Variants in MED16 observed in about 807,000 individuals in gnomAD.
The protein encoded by MED16 is mediator complex subunit 16, also known as mediator of RNA polymerase II transcription subunit 16.
Under a neutral mutation model 84.4 loss-of-function variants are expected in MED16, and 81 were observed. The observed-to-expected ratio is 0.96, with a 90% CI of 0.80 to 1.15. The LOEUF is 1.15. Among genes scored for constraint, MED16 ranks in the 50% most tolerant of loss-of-function variants. The pLI is 0.00. For missense variants in MED16, 1,585 were observed against 1,245.9 expected (o/e 1.27, Z -4.10); for synonymous variants, 897 against 552.2 (o/e 1.62, Z -8.76).
At chr19:877,335 G>A (rs374847522) in intron 8 of MED16, among the ~76,000 whole-genome samples, 155 bp from the exon 9 acceptor site, 6 of 152,260 alleles carry the variant, frequency 3.9e-5, no homozygotes, top group Admixed American at 3.3e-4. Context: ...TGTAGCGTCT[G>A]TACCTTTCTG....
At position 868,415 on chromosome 19, in the gene MED16, C is replaced by A; in HGVS notation, c.2483+1G>T. The A allele has an allele frequency of 6.2e-7, 1 of 1,610,016 alleles. No homozygotes were observed. The highest frequency in any genetic ancestry group is 8.5e-7 in the Non-Finnish European group (1 of 1,179,848). On this transcript the variant is annotated splice_donor_variant, in intron 15 of 15. Coordinates refer to ENST00000325464, the MANE Select transcript of MED16 (RefSeq NM_005481.3). LOFTEE classifies it high-confidence loss of function. ...GCACCCGCCACCAGAGCCCACCGCA[C>A]AGGCAGTTCTTGATCCAGCGCTGCT...
At chr19:868,310 TGCAGCAGCCGGGCTCAGGG>T in intron 15 of MED16, 59 bp from the exon 16 acceptor site, 1 of 1,587,588 alleles carries the variant, frequency 6.3e-7, no homozygotes, top group Non-Finnish European at 8.5e-7. Context: ...CGGTGGCTCT[TGCAGCAGCCGGGCTCAGGG>T]GCAGCTGAGG....
chr19:885,385 G>A (rs1280738573), intron 5 of MED16, among the ~76,000 whole-genome samples: 13 of 152,098 alleles, frequency 8.5e-5, no homozygotes, highest in Admixed American at 8.5e-4. Flanking sequence ...CGGTGGCTGG[G>A]CCGCCTCTCA....
At chr19:884,828 A>C in intron 6 of MED16, 75 bp downstream of exon 6, 2 of 1,205,006 alleles carry the variant, frequency 1.7e-6, no homozygotes, top group Non-Finnish European at 2.4e-6. Context: ...TGACACAGCA[A>C]GACCTGCCTC....
At chr19:887,421 A>C (rs371883148) in intron 4 of MED16, among the ~76,000 whole-genome samples, 3 of 151,988 alleles carry the variant, frequency 2.0e-5, no homozygotes, top group African/African-American at 7.3e-5. Context: ...TAATCTCAGC[A>C]CTTTGGGAGG....
intron 4 of MED16, among the ~76,000 whole-genome samples, chr19:888,781 C>T (rs537472612): frequency 1.6e-4 from 24 of 152,304 alleles, no homozygotes; most frequent in South Asian, 6.2e-4. Flanking sequence ...TGCGGCAATG[C>T]GCCGACAATG....
intron 3 of MED16, 39 bp downstream of exon 3, chr19:890,098 C>A: frequency 6.8e-7 from 1 of 1,460,220 alleles, no homozygotes; most frequent in Non-Finnish European, 9.3e-7. Context: ...CTCCGGGATC[C>A]GGGTCGCCAC....
chr19:891,413 TCTGGCTGTCTAGGGAA>T (rs1451333205), intron 1 of MED16, among the ~76,000 whole-genome samples: 1 of 152,206 alleles, frequency 6.6e-6, no homozygotes, highest in East Asian at 1.9e-4. Flanking sequence ...CCAGGACCCC[TCTGGCTGTCTAGGGAA>T]CAGACCATGG....
intron 2 of MED16, 129 bp downstream of exon 2, chr19:890,834 G>A: frequency 9.8e-7 from 1 of 1,021,818 alleles, no homozygotes. Context: ...ACAAGTTACA[G>A]AGGAGGGCCA....
chr19:890,540 G>T, intron 2 of MED16: 2 of 379,306 alleles, frequency 5.3e-6, no homozygotes, highest in Non-Finnish European at 4.8e-6. Context: ...ACCCCGATTT[G>T]ATTCCAATTT....
chr19:871,010 T>A, intron 13 of MED16, 27 bp downstream of exon 13: 1 of 1,522,736 alleles, frequency 6.6e-7, no homozygotes, highest in Non-Finnish European at 8.9e-7. Context: ...GTCCTGTGTT[T>A]GGGGACCAAT....
Position 885,655 on chromosome 19 carries a change from G to A in MED16, c.879+115C>T, listed in dbSNP as rs981304126. On this transcript the variant is annotated intron_variant, in intron 5 of 15. Transcript: ENST00000325464. ...GGAGCCCCCGGGAGGGACCGGCCCT[G>A]CCCACACCACGGTTTAGCCCGTGGA... is the stretch of plus-strand genomic sequence containing the variant. The A allele has an allele frequency of 6.5e-5, 83 of 1,267,836 alleles. No homozygotes were observed. The South Asian group carries it at 1.0e-3, about 16-fold the overall frequency. 78.5% of individuals were successfully genotyped at this position (1,267,836 alleles called of 1,614,324 possible). A position where few individuals can be genotyped will look rare whatever the true frequency, so the allele number is the denominator to read the frequency against.
intron 3 of MED16, 57 bp downstream of exon 3, chr19:890,080 C>A: frequency 7.6e-7 from 1 of 1,321,070 alleles, no homozygotes. Context: ...AAACACAGGG[C>A]CCCCCTGCTC....
intron 6 of MED16, among the ~76,000 whole-genome samples, chr19:884,280 G>A (rs1026012815): frequency 2.6e-5 from 4 of 152,246 alleles, no homozygotes; most frequent in Non-Finnish European, 5.9e-5. Context: ...GGTCATAGCA[G>A]GCGGGCGTCC....
intron 2 of MED16, chr19:890,519 G>A (rs1414734881): frequency 1.8e-5 from 7 of 396,208 alleles, no homozygotes; most frequent in Admixed American, 1.2e-4. Flanking sequence ...GATAATAGGT[G>A]GCTTTTTTGC....
At position 885,817 on chromosome 19, in the gene MED16, G is replaced by T; in HGVS notation, c.832C>A (p.Pro278Thr). Residue 278 changes from proline to threonine, a missense_variant, in exon 5 of 16, where the codon CCC (proline) becomes ACC (threonine). Physicochemically the swap from Pro to Thr is conservative, Grantham distance 38. Transcript: ENST00000325464. ...TTDLNRKDKF[P>T]AITHLKFLAR... ...AGGAACTTGAGGTGGGTGATGGCGG[G>T]AAACTTGTCCTTGCGGTTGAGGTCG... 6.2e-7 allele frequency: 1 copy of T among 1,613,184 alleles called. No homozygotes were observed. The highest frequency in any genetic ancestry group is 8.5e-7 in the Non-Finnish European group (1 of 1,179,970).
At position 890,725 on chromosome 19, in the gene MED16, G is replaced by A. The variant is rs555543977; in HGVS notation, c.169+238C>T. Among the ~76,000 whole-genome samples, 7 of 152,320 alleles carry A rather than the reference G, an allele frequency of 4.6e-5. No homozygotes were observed. The East Asian group carries it at 1.4e-3, about 29-fold the overall frequency. ...CCTCCGTCAACCAACGCTCCAGCCC[G>A]ATTCGATCCCGCACACGGGGCGATC... On this transcript the variant is annotated intron_variant, in intron 2 of 15. Coordinates refer to ENST00000325464, the MANE Select transcript of MED16 (RefSeq NM_005481.3).
In MED16 at chr19:872,102, G is replaced by C; in HGVS notation, c.1922C>G (p.Pro641Arg). The C allele has an allele frequency of 6.2e-7, 1 of 1,605,304 alleles. No individual in the cohort carries two copies. Residue 641 changes from proline (P) to arginine (R), a missense_variant, in exon 12 of 16, where the codon CCG (proline) becomes CGG (arginine). Transcript: ENST00000325464. ...SLPNQGSLLR[P>R]GHSFLRDGTS... ...GCCGTCCCGCAGAAAGCTGTGGCCC[G>C]GCCTCAGCAGGGAACCCTGCCCGAA...
At chr19:888,395 G>A (rs1177375372) in intron 4 of MED16, among the ~76,000 whole-genome samples, 2 of 151,406 alleles carry the variant, frequency 1.3e-5, no homozygotes, top group East Asian at 3.9e-4. Flanking sequence ...GTGGTGGTGG[G>A]TGCCTGTAAT....
Sources: gnomAD v4.1 joint callset for allele counts (sites outside exome capture counted in the v4.1 genomes callset) on GRCh38, gnomAD v4.1.1 for gene constraint, MANE v1.5 for transcripts, NCBI Gene and HGNC (gene_info 2026-07-23, HGNC 2026-07-21) for gene names.